The following DOCK10 variants were observed in gnomAD, a reference collection of about 807,000 sequenced individuals.
DOCK10 encodes dedicator of cytokinesis 10.
Under a neutral mutation model 280.1 loss-of-function variants are expected in DOCK10, and 145 were observed. The ratio of observed to expected loss-of-function variants is 0.52; its 90% confidence interval spans 0.45 to 0.59. The LOEUF is 0.59. Among genes scored for constraint, DOCK10 ranks in the 20% least tolerant of loss-of-function variants. The pLI, the probability that DOCK10 is intolerant of heterozygous loss-of-function variation, is 0.00. For synonymous variants in DOCK10, 915 were observed against 942.2 expected, an observed-to-expected ratio of 0.97 and a Z score of 0.53; for missense variants, 2,368 against 2,651.7, an observed-to-expected ratio of 0.89 and a Z score of 2.35.
chr2:224,821,886 G>C (rs1290455536), intron 28 of DOCK10, among the ~76,000 whole-genome samples: 1 of 151,108 alleles, frequency 6.6e-6, no homozygotes, highest in Non-Finnish European at 1.5e-5. Context: ...TATCATTCTT[G>C]TCTCTTTCTG....
chr2:224,813,091 C>T lies in DOCK10; in HGVS notation c.3409+1229G>A, dbSNP rs567295043. On this transcript the variant is annotated intron_variant, in intron 31 of 55. Coordinates refer to ENST00000258390, the MANE Select transcript of DOCK10 (RefSeq NM_014689.3). The stretch of plus-strand genomic sequence containing the variant: ...GTGAGTAGGCCTTAATTGTTCTCAT[C>T]GCACAGACTTAAAAAATAGAACTAT... Among the ~76,000 whole-genome samples, 295 of 152,278 alleles carry T rather than the reference C, an allele frequency of 1.9e-3. 3 individuals are homozygous for T. Among genetic ancestry groups the T allele is most frequent in the African/African-American group, 6.5e-3 (271 of 41,542 alleles).
chr2:224,822,307 C>G (rs1016288509), intron 28 of DOCK10, among the ~76,000 whole-genome samples: 6 of 152,202 alleles, frequency 3.9e-5, no homozygotes, highest in African/African-American at 1.4e-4. Flanking sequence ...TCTTTCCTCT[C>G]AGCTCAATAT....
chr2:224,808,144 T>C, intron 31 of DOCK10, 58 bp from the exon 32 acceptor site: 2 of 1,480,874 alleles, frequency 1.4e-6, no homozygotes, highest in Non-Finnish European at 1.8e-6. Context: ...ACTTTATAAT[T>C]GAGACAGATA....
chr2:224,886,301 T>C (rs1286940757), intron 5 of DOCK10, 116 bp from the exon 6 acceptor site: 1 of 1,518,592 alleles, frequency 6.6e-7, no homozygotes, highest in Admixed American at 1.9e-5. Flanking sequence ...ATAAGCATGT[T>C]CAATTTCAAA....
intron 1 of DOCK10, among the ~76,000 whole-genome samples, chr2:224,981,474 C>A (rs1705744913): frequency 1.3e-5 from 2 of 152,124 alleles, no homozygotes; most frequent in Non-Finnish European, 2.9e-5. Context: ...GGAAACTTTA[C>A]CATACCATCT....
intron 1 of DOCK10, among the ~76,000 whole-genome samples, chr2:224,965,718 G>A (rs1388379752): frequency 1.3e-5 from 2 of 152,056 alleles, no homozygotes; most frequent in East Asian, 3.9e-4. Context: ...GAAATTAACT[G>A]GCTTCCCTAA....
chr2:225,040,454 T>C (rs1042296697), intron 1 of DOCK10, among the ~76,000 whole-genome samples: 4 of 152,060 alleles, frequency 2.6e-5, no homozygotes, highest in Non-Finnish European at 5.9e-5. Context: ...AGCGAGCTTA[T>C]TCATTTTGAC....
intron 44 of DOCK10, 131 bp from the exon 45 acceptor site, chr2:224,795,225 T>C (rs1174532009): frequency 1.4e-6 from 1 of 734,170 alleles, no homozygotes; most frequent in East Asian, 2.6e-5. Context: ...AATGAGTGCA[T>C]TCTATATATG....
At chr2:224,877,093 C>T (rs913051258) in intron 7 of DOCK10, among the ~76,000 whole-genome samples, 2 of 152,196 alleles carry the variant, frequency 1.3e-5, no homozygotes, top group Admixed American at 1.3e-4. Flanking sequence ...GCCCCCTCCA[C>T]CACACATGCG....
intron 1 of DOCK10, among the ~76,000 whole-genome samples, chr2:224,942,853 G>T (rs1438820034): frequency 6.8e-6 from 1 of 146,330 alleles, no homozygotes; most frequent in East Asian, 1.9e-4. Flanking sequence ...GCAGATTAAT[G>T]ACCCATAAAC....
At chr2:224,920,384 A>G (rs1392019478) in intron 2 of DOCK10, among the ~76,000 whole-genome samples, 1 of 151,776 alleles carries the variant, frequency 6.6e-6, no homozygotes, top group Non-Finnish European at 1.5e-5. Flanking sequence ...TACATTTTAC[A>G]TTTTTAATTC....
intron 55 of DOCK10, among the ~76,000 whole-genome samples, chr2:224,766,496 C>A (rs1225570614): frequency 1.3e-5 from 2 of 152,228 alleles, no homozygotes; most frequent in Non-Finnish European, 2.9e-5. Flanking sequence ...CCAAAGAGCA[C>A]TCAGCTGAGA....
intron 2 of DOCK10, among the ~76,000 whole-genome samples, chr2:224,919,487 G>A (rs1701566526): frequency 2.6e-5 from 4 of 150,944 alleles, no homozygotes; most frequent in Admixed American, 2.6e-4. Context: ...TGGATGGTGT[G>A]TATGTGTGGT....
At chr2:224,873,030 C>G (rs1339539335) in intron 11 of DOCK10, among the ~76,000 whole-genome samples, 1 of 152,152 alleles carries the variant, frequency 6.6e-6, no homozygotes, top group Admixed American at 6.5e-5. Context: ...GGACTGCCTG[C>G]TAAAGTACTA....
intron 30 of DOCK10, among the ~76,000 whole-genome samples, chr2:224,815,371 G>C (rs7604254): frequency 0.25 from 37,455 of 149,908 alleles, 7,122 homozygotes; most frequent in African/African-American, 0.56. Context: ...AATGGACTAA[G>C]ACAGTAAGCA....
In DOCK10 at chr2:224,931,573, C is replaced by A. The variant is rs1382035830; in HGVS notation, c.219G>T (p.Leu73Phe). 1 of 1,610,894 alleles carries A rather than the reference C, an allele frequency of 6.2e-7. No homozygotes were observed. Among genetic ancestry groups the A allele is most frequent in the Admixed American group, 1.7e-5 (1 of 59,584 alleles). Residue 73 changes from leucine (L) to phenylalanine (F), a missense_variant, in exon 2 of 56, where the codon TTG becomes TTT. By Grantham distance (22) the Leu-to-Phe change is conservative. Transcript: ENST00000258390. ...CTGAAAAGTCATCACTGGGGAAGAA[C>A]AAGAGATCTTGAAGAGGATCATTCC... ...TYRNDPLQDL[L>F]FFPSDDFSAA...
At chr2:224,926,888 T>C (rs1440417354) in intron 2 of DOCK10, among the ~76,000 whole-genome samples, 1 of 152,206 alleles carries the variant, frequency 6.6e-6, no homozygotes, top group Non-Finnish European at 1.5e-5. Flanking sequence ...AAGTTCTGCT[T>C]TAGCTGCTGA....
chr2:224,986,017 G>A (rs546534802), intron 1 of DOCK10, among the ~76,000 whole-genome samples: 4 of 152,120 alleles, frequency 2.6e-5, no homozygotes, highest in African/African-American at 7.2e-5. Flanking sequence ...AAATACCTAC[G>A]TCTGTTTTGA....
chr2:224,824,429 C>CTTTTTTTTTTTTT (rs869275800), intron 27 of DOCK10, among the ~76,000 whole-genome samples: 2 of 63,602 alleles, frequency 3.1e-5, no homozygotes, highest in Non-Finnish European at 2.9e-5. Context: ...TCAGACTCTG[C>CTTTTTTTTTTTTT]TTTTTTTTTT....
Sources: allele counts gnomAD v4.1 joint callset (sites outside exome capture counted in the v4.1 genomes callset), GRCh38; gene constraint gnomAD v4.1.1; transcripts MANE v1.5; gene names NCBI Gene and HGNC (gene_info 2026-07-23, HGNC 2026-07-21).